Variants in IPP observed in about 807,000 individuals in gnomAD.
IPP encodes actin-binding protein IPP.
A neutral mutation model predicts 64.1 loss-of-function variants in IPP; 41 were observed. The observed-to-expected ratio is 0.64, with a 90% CI of 0.50 to 0.83. IPP has a LOEUF of 0.83. Ranked by LOEUF, IPP falls within the 40% of genes least tolerant of loss-of-function variation. The pLI is 0.00. For missense variants in IPP, 649 were observed against 703.0 expected, an observed-to-expected ratio of 0.92 and a Z score of 0.87; for synonymous variants, 214 against 235.2, an observed-to-expected ratio of 0.91 and a Z score of 0.83.
rs1039870087 is a variant in IPP at position 45,735,811 on chromosome 1, T to A, written c.724+5090A>T. Among the ~76,000 whole-genome samples the A allele has an allele frequency of 2.2e-4, 11 of 50,766 alleles. No homozygotes were observed. The East Asian group carries it at 2.4e-3, about 11-fold the overall frequency. The allele number at this position is 50,766 out of a possible 152,430, so 33.3% of individuals were successfully genotyped here. On this transcript the variant is annotated intron_variant, in intron 3 of 8. Transcript: ENST00000396478. ...CACCAGGCCACGCCTGGCTAATTTTTAAAAAAAATTTTTTTGTAGGCCAGG... is the reference window on the plus strand; with the variant it reads ...CACCAGGCCACGCCTGGCTAATTTTAAAAAAAAATTTTTTTGTAGGCCAGG...
chr1:45,725,115 G>A (rs1645798105), intron 5 of IPP, among the ~76,000 whole-genome samples: 1 of 140,858 alleles, frequency 7.1e-6, no homozygotes, highest in African/African-American at 2.6e-5. Context: ...GAGGGGGGAG[G>A]GGGGGTCAGC....
chr1:45,730,211 G>A (rs1289662578), intron 3 of IPP, among the ~76,000 whole-genome samples: 1 of 152,066 alleles, frequency 6.6e-6, no homozygotes, highest in East Asian at 1.9e-4. Flanking sequence ...AATTAGCTGG[G>A]TGTGGTGGCA....
intron 3 of IPP, among the ~76,000 whole-genome samples, chr1:45,731,536 C>G (rs1340406438): frequency 6.6e-6 from 1 of 152,036 alleles, no homozygotes; most frequent in Non-Finnish European, 1.5e-5. Context: ...GAAAGAGTGC[C>G]AAGGAGAATT....
At chr1:45,732,620 A>G (rs374967097) in intron 3 of IPP, among the ~76,000 whole-genome samples, 23 of 152,212 alleles carry the variant, frequency 1.5e-4, no homozygotes, top group African/African-American at 5.5e-4. Context: ...AGAAGTTCCA[A>G]TAAAAGGAAG....
intron 2 of IPP, among the ~76,000 whole-genome samples, chr1:45,742,149 T>C (rs1646075023): frequency 6.6e-6 from 1 of 152,142 alleles, no homozygotes; most frequent in Non-Finnish European, 1.5e-5. Flanking sequence ...TTCTCACTCA[T>C]AAATGGGAGC....
chr1:45,730,392 T>G (rs1392443291), intron 3 of IPP, among the ~76,000 whole-genome samples: 1 of 151,126 alleles, frequency 6.6e-6, no homozygotes, highest in African/African-American at 2.4e-5. Context: ...AAATAAAGAT[T>G]GCAAACTGAA....
At chr1:45,710,240 A>AAAG (rs1553188940) in intron 8 of IPP, among the ~76,000 whole-genome samples, 4 of 113,328 alleles carry the variant, frequency 3.5e-5, no homozygotes, top group African/African-American at 1.3e-4. Flanking sequence ...AAAAAAAAAA[A>AAAG]AGAGAGAAGC....
chr1:45,741,288 C>T lies in IPP; in HGVS notation c.337G>A (p.Ala113Thr), dbSNP rs1646062246. 1 of 1,613,852 alleles carries T rather than the reference C, an allele frequency of 6.2e-7. No individual in the cohort carries two copies. The highest frequency in any genetic ancestry group is 8.5e-7 in the Non-Finnish European group (1 of 1,179,830). The change falls in exon 3 of 9, where the codon GCA (alanine) becomes ACA (threonine). Residue 113 changes from alanine to threonine, a missense_variant. Transcript: ENST00000396478. ...GVNNVQELII[A>T]ADMLQLTEVV... is the part of the protein sequence containing the mutation. ...TCAGTCAACTGTAGCATGTCTGCTG[C>T]AATAATCAACTCCTGGACATTATTC...
At chr1:45,714,163 A>G in intron 8 of IPP, 83 bp downstream of exon 8, 1 of 965,212 alleles carries the variant, frequency 1.0e-6, no homozygotes, top group Non-Finnish European at 1.6e-6. Flanking sequence ...CAATATCATG[A>G]GTGAAAAAGA....
At chr1:45,704,289 G>C (rs971139094) in intron 8 of IPP, among the ~76,000 whole-genome samples, 9 of 151,536 alleles carry the variant, frequency 5.9e-5, no homozygotes, top group Non-Finnish European at 4.4e-5. Flanking sequence ...GCAGGCTGGA[G>C]TGCAGTGGCG....
chr1:45,724,469 C>T (rs1403861175), intron 5 of IPP, among the ~76,000 whole-genome samples: 1 of 151,506 alleles, frequency 6.6e-6, no homozygotes, highest in Non-Finnish European at 1.5e-5. Flanking sequence ...GCCCCTCTGC[C>T]TGGCTGCCCA....
downstream of IPP, chr1:45,698,578 G>A (rs1293991479): frequency 2.3e-5 from 12 of 529,704 alleles, no homozygotes; most frequent in Non-Finnish European, 2.9e-5. Context: ...CAGTAGCTTT[G>A]CAGTATGCTC....
At position 45,700,065 on chromosome 1, in the gene IPP, G is replaced by A. The variant is rs762799936; in HGVS notation, c.1656C>T (p.Thr552=). 5.0e-6 allele frequency: 8 copies of A among 1,614,002 alleles called. No individual in the cohort carries two copies. The African/African-American group carries it at 1.1e-4, about 22-fold the overall frequency. The change falls in exon 9 of 9, where the codon ACC becomes ACT. Residue 552 remains threonine, a synonymous_variant. Transcript: ENST00000396478. The part of the protein sequence containing the change: ...SSSHDFLAPG[T]LDSVEVYNPH... ...GGTTATAAACTTCAACTGAGTCCAA[G>A]GTACCTGGAGCCAAAAAATCATGGC...
In IPP at chr1:45,727,688, G is replaced by T. The variant is rs753607426; in HGVS notation, c.991C>A (p.Gln331Lys). The T allele has an allele frequency of 6.3e-7, 1 of 1,595,520 alleles. No homozygotes were observed. The highest frequency in any genetic ancestry group is 8.6e-7 in the Non-Finnish European group (1 of 1,166,230). The change falls in exon 5 of 9, where the codon CAG becomes AAG. Residue 331 changes from glutamine (Q) to lysine (K), a missense_variant. Physicochemically the swap from Gln to Lys is moderately conservative, Grantham distance 53 (BLOSUM62 1). Coordinates refer to ENST00000396478, the MANE Select transcript of IPP (RefSeq NM_005897.3). Reference sequence around the variant, plus strand: ...GTTACTCCCAGCCCACTTCGAGCCTGATGAAGTGAAGACACAGTGGTCCAG... The same window carrying T: ...GTTACTCCCAGCCCACTTCGAGCCTTATGAAGTGAAGACACAGTGGTCCAG... ...QYWTTVSSLH[Q>K]ARSGLGVTVL...
chr1:45,706,734 G>A (rs1460749595), intron 8 of IPP, among the ~76,000 whole-genome samples: 3 of 152,134 alleles, frequency 2.0e-5, no homozygotes, highest in African/African-American at 7.2e-5. Context: ...ATAGGTGTGA[G>A]CCACTGCACC....
rs750492718 is a variant in IPP, at chr1:45,741,160, C to G, written c.465G>C (p.Leu155Phe). The G allele has an allele frequency of 6.2e-7, 1 of 1,614,080 alleles. No individual in the cohort carries two copies. The highest frequency in any genetic ancestry group is 1.7e-5 in the Admixed American group (1 of 60,012). ...CATGAATGTAGTTTTCTGAGAATTC[C>G]AAGAGATCATGGCAGGCAATTTGCT... ...FSEQIACHDL[L>F]EFSENYIHVH... The change falls in exon 3 of 9, where the codon TTG becomes TTC. Residue 155 changes from leucine (L) to phenylalanine (F), a missense_variant. Leu to Phe is a conservative substitution (Grantham distance 22). Transcript: ENST00000396478.
chr1:45,740,101 T>G (rs1646039444), intron 3 of IPP, among the ~76,000 whole-genome samples: 1 of 152,180 alleles, frequency 6.6e-6, no homozygotes, highest in African/African-American at 2.4e-5. Context: ...TAACCCTGAG[T>G]GGACACAGCC....
At chr1:45,704,382 C>T (rs1480005697) in intron 8 of IPP, among the ~76,000 whole-genome samples, 2 of 151,864 alleles carry the variant, frequency 1.3e-5, no homozygotes, top group Non-Finnish European at 2.9e-5. Flanking sequence ...GGATTATAGG[C>T]GCCTGCCACC....
At chr1:45,726,230 G>T (rs931694013) in intron 5 of IPP, among the ~76,000 whole-genome samples, 1 of 149,792 alleles carries the variant, frequency 6.7e-6, no homozygotes, top group Non-Finnish European at 1.5e-5. Flanking sequence ...AGGCTGAGGC[G>T]GATGGATCAC....
Sources: gnomAD v4.1 joint callset for allele counts (sites outside exome capture counted in the v4.1 genomes callset) on GRCh38, gnomAD v4.1.1 for gene constraint, MANE v1.5 for transcripts, NCBI Gene and HGNC (gene_info 2026-07-23, HGNC 2026-07-21) for gene names.